GRM7: variants seen among roughly 807,000 people sequenced by gnomAD.
The protein encoded by GRM7 is glutamate metabotropic receptor 7, also known as metabotropic glutamate receptor 7.
A neutral mutation model predicts 84.5 loss-of-function variants in GRM7; 35 were observed. The observed-to-expected ratio is 0.41, with a 90% confidence interval of 0.32 to 0.55. The LOEUF is 0.55. Ranked by LOEUF, GRM7 falls within the 20% of genes least tolerant of loss-of-function variation. GRM7 has a pLI of 0.19. For synonymous variants in GRM7, 487 were observed against 455.1 expected (o/e 1.07, Z -0.89); for missense variants, 1,003 against 1,194.6 (o/e 0.84, Z 2.36).
At chr3:7,470,810 AAAAG>A (rs147997196) in intron 7 of GRM7, among the ~76,000 whole-genome samples, 4,005 of 152,190 alleles carry the variant, frequency 0.026, 153 homozygotes, top group African/African-American at 0.092. Context: ...CAAAATTATG[AAAAG>A]AAAGAAAGTC....
chr3:7,651,932 T>G (rs920206493), intron 8 of GRM7, among the ~76,000 whole-genome samples: 9 of 152,158 alleles, frequency 5.9e-5, no homozygotes, highest in African/African-American at 9.7e-5. Context: ...CCTGCCAAGG[T>G]TGGCAAATAT....
At chr3:7,282,092 A>G (rs918885569) in intron 2 of GRM7, among the ~76,000 whole-genome samples, 1 of 152,130 alleles carries the variant, frequency 6.6e-6, no homozygotes, top group African/African-American at 2.4e-5. Flanking sequence ...CTACGAAACA[A>G]ACAAAAAACA....
chr3:7,437,379 A>G (rs945151456), intron 5 of GRM7, among the ~76,000 whole-genome samples: 21 of 152,122 alleles, frequency 1.4e-4, no homozygotes, highest in Admixed American at 6.5e-5. Context: ...GCTTTCTACA[A>G]AATAATCTAA....
intron 7 of GRM7, among the ~76,000 whole-genome samples, chr3:7,518,644 C>T (rs1700480070): frequency 6.6e-6 from 1 of 152,170 alleles, no homozygotes; most frequent in African/African-American, 2.4e-5. Context: ...AGCTCTTGTT[C>T]CCTGTAGCTT....
At chr3:7,199,774 G>A (rs1455226236) in intron 2 of GRM7, among the ~76,000 whole-genome samples, 6 of 152,056 alleles carry the variant, frequency 3.9e-5, no homozygotes, top group Non-Finnish European at 7.4e-5. Context: ...TAACTTAGGT[G>A]GTACCCAATA....
At chr3:6,921,508 A>G (rs12488866) in intron 1 of GRM7, among the ~76,000 whole-genome samples, 11,132 of 152,148 alleles carry the variant, frequency 0.073, 557 homozygotes, top group Non-Finnish European at 0.11. Context: ...ATCTATTAAA[A>G]CGTGTGGATC....
chr3:7,016,820 C>G lies in GRM7; in HGVS notation c.520-129632C>G, dbSNP rs74971332. Among the ~76,000 whole-genome samples, 88 of 152,254 alleles carry G rather than the reference C, an allele frequency of 5.8e-4. 2 individuals carry two copies. In the East Asian group the frequency reaches 0.014, roughly 25 times the overall value. On this transcript the variant is annotated intron_variant, in intron 1 of 9. Transcript: ENST00000357716. ...TGTTTTAGAGACAAAGAAACTGAGACCTAAGGAGATTAAGTAACTTGCCCA... is the reference window on the plus strand; with the variant it reads ...TGTTTTAGAGACAAAGAAACTGAGAGCTAAGGAGATTAAGTAACTTGCCCA...
intron 8 of GRM7, among the ~76,000 whole-genome samples, chr3:7,667,674 T>G (rs1699757196): frequency 2.0e-5 from 3 of 152,128 alleles, no homozygotes; most frequent in Admixed American, 2.0e-4. Context: ...AGATCTGAGT[T>G]GTGGAAAGAC....
At chr3:7,324,165 T>C (rs1251613286) in intron 4 of GRM7, among the ~76,000 whole-genome samples, 1 of 152,150 alleles carries the variant, frequency 6.6e-6, no homozygotes, top group Non-Finnish European at 1.5e-5. Flanking sequence ...TCCATTCTCA[T>C]GTGTGTTTTC....
chr3:7,453,233 C>T lies in GRM7; in HGVS notation c.1375+426C>T, dbSNP rs145018606. Among the ~76,000 whole-genome samples the T allele has an allele frequency of 8.1e-4, 123 of 152,176 alleles. 1 individual carries two copies. Among genetic ancestry groups the T allele is most frequent in the African/African-American group, 2.8e-3 (118 of 41,546 alleles). ...CAAATGTCAGTGGAGAGGTTTCCCC[C>T]ACACACCAAGCTAGCAATAAATTCT... On this transcript the variant is annotated intron_variant, in intron 6 of 9. Coordinates refer to ENST00000357716, the MANE Select transcript of GRM7 (RefSeq NM_000844.4).
intron 8 of GRM7, among the ~76,000 whole-genome samples, chr3:7,648,081 C>A (rs58619470): frequency 0.22 from 34,124 of 151,944 alleles, 4,409 homozygotes; most frequent in Non-Finnish European, 0.29. Context: ...TAGATGTAAA[C>A]CAGGACACAA....
At chr3:7,267,536 C>T (rs1698687783) in intron 2 of GRM7, among the ~76,000 whole-genome samples, 1 of 152,176 alleles carries the variant, frequency 6.6e-6, no homozygotes, top group Non-Finnish European at 1.5e-5. Flanking sequence ...AGAGGTTTTA[C>T]TGAAACACCG....
At chr3:7,699,206 C>G (rs1273307577) in intron 9 of GRM7, among the ~76,000 whole-genome samples, 3 of 152,136 alleles carry the variant, frequency 2.0e-5, no homozygotes, top group African/African-American at 7.2e-5. Flanking sequence ...AAGAAAGATT[C>G]TACATCTAGG....
intron 1 of GRM7, among the ~76,000 whole-genome samples, chr3:7,048,204 T>C (rs1469278168): frequency 6.6e-6 from 1 of 152,038 alleles, no homozygotes; most frequent in African/African-American, 2.4e-5. Context: ...ATTCAAAATT[T>C]TCTTTCTCCT....
intron 4 of GRM7, among the ~76,000 whole-genome samples, chr3:7,409,178 A>T (rs1575292728): frequency 1.3e-5 from 2 of 152,074 alleles, no homozygotes; most frequent in South Asian, 4.1e-4. Flanking sequence ...CTTCCCCCAA[A>T]CTACCAAACA....
At chr3:7,389,570 T>C (rs1428877114) in intron 4 of GRM7, among the ~76,000 whole-genome samples, 1 of 152,156 alleles carries the variant, frequency 6.6e-6, no homozygotes, top group African/African-American at 2.4e-5. Flanking sequence ...ACATTTTGGA[T>C]AGTTAAGTCT....
chr3:7,129,356 C>T (rs1693515294), intron 1 of GRM7, among the ~76,000 whole-genome samples: 1 of 152,216 alleles, frequency 6.6e-6, no homozygotes, highest in Non-Finnish European at 1.5e-5. Flanking sequence ...ATGATCAACA[C>T]TTATCCGTCC....
At chr3:6,904,664 T>C (rs990288990) in intron 1 of GRM7, among the ~76,000 whole-genome samples, 36 of 152,110 alleles carry the variant, frequency 2.4e-4, no homozygotes, top group African/African-American at 8.7e-4. Context: ...TTTAGTTGCA[T>C]TTTCCATTTC....
intron 4 of GRM7, among the ~76,000 whole-genome samples, chr3:7,359,294 C>A (rs1336963597): frequency 7.2e-6 from 1 of 138,484 alleles, no homozygotes; most frequent in African/African-American, 2.8e-5. Flanking sequence ...CATTAGGCAC[C>A]TCACAAAAAG....
Sources: gnomAD v4.1 joint callset for allele counts (sites outside exome capture counted in the v4.1 genomes callset) on GRCh38, gnomAD v4.1.1 for gene constraint, MANE v1.5 for transcripts, NCBI Gene and HGNC (gene_info 2026-07-23, HGNC 2026-07-21) for gene names.